The following HPSE2 variants were observed in gnomAD, a reference collection of about 807,000 sequenced individuals.
HPSE2 encodes inactive heparanase-2.
HPSE2 carries 38 observed loss-of-function variants against 60.5 expected under a neutral mutation model. The observed-to-expected ratio is 0.63, with a 90% CI of 0.48 to 0.82. The LOEUF (loss-of-function observed/expected upper bound fraction) is 0.82, where lower values mean the gene tolerates loss of function less well. Among genes scored for constraint, HPSE2 ranks in the 40% least tolerant of loss-of-function variants. HPSE2 has a pLI of 0.00. For synonymous variants in HPSE2, 295 were observed against 293.2 expected (o/e 1.01, Z -0.06); for missense variants, 713 against 740.4 (o/e 0.96, Z 0.43).
At chr10:99,301,692 G>A in the HPSE2 span, among the ~76,000 whole-genome samples, 8 of 152,138 alleles carry the variant, frequency 5.3e-5, no homozygotes, top group Admixed American at 2.0e-4. Flanking sequence ...CCAGATGGCA[G>A]CAGGGTGGCC....
At chr10:98,850,328 TAAAG>T (rs1418536615) in intron 3 of HPSE2, among the ~76,000 whole-genome samples, 11 of 152,122 alleles carry the variant, frequency 7.2e-5, no homozygotes, top group Admixed American at 6.5e-4. Context: ...CTAGAAGTGA[TAAAG>T]AAAGAATTAA....
chr10:98,768,939 A>C (rs566166876), intron 3 of HPSE2, among the ~76,000 whole-genome samples: 1 of 152,224 alleles, frequency 6.6e-6, no homozygotes, highest in Admixed American at 6.5e-5. Flanking sequence ...AATCCCAGCT[A>C]CTCAGACCGA....
chr10:98,939,560 A>C, intron 3 of HPSE2, among the ~76,000 whole-genome samples: 1 of 143,910 alleles, frequency 6.9e-6, no homozygotes, highest in African/African-American at 2.8e-5. Flanking sequence ...CACCCAATAC[A>C]GGAGCACCCA....
intron 3 of HPSE2, among the ~76,000 whole-genome samples, chr10:99,082,808 T>C (rs1387322734): frequency 6.6e-6 from 1 of 152,200 alleles, no homozygotes; most frequent in Admixed American, 6.5e-5. Context: ...TTGGAGTTCA[T>C]ATTTACCCAG....
chr10:99,218,806 A>G (rs966711819), intron 2 of HPSE2, among the ~76,000 whole-genome samples: 1 of 152,204 alleles, frequency 6.6e-6, no homozygotes, highest in Non-Finnish European at 1.5e-5. Context: ...TAACTTGGCT[A>G]AGCCTAGCCT....
chr10:98,608,687 G>T (rs1945663274), intron 9 of HPSE2, among the ~76,000 whole-genome samples: 1 of 152,186 alleles, frequency 6.6e-6, no homozygotes, highest in Non-Finnish European at 1.5e-5. Context: ...GCAGCCGCAG[G>T]TTCCCACAAA....
chr10:99,261,574 C>T, the HPSE2 span, among the ~76,000 whole-genome samples: 1 of 152,180 alleles, frequency 6.6e-6, no homozygotes, highest in Non-Finnish European at 1.5e-5. Context: ...ACTTTACTGT[C>T]CTAGACCCAG....
At chr10:98,582,907 AC>A (rs1424381751) in intron 9 of HPSE2, among the ~76,000 whole-genome samples, 4 of 151,902 alleles carry the variant, frequency 2.6e-5, no homozygotes, top group African/African-American at 9.7e-5. Flanking sequence ...CTATTTCTGT[AC>A]CCCCTGCCAC....
At chr10:99,246,512 C>A in the HPSE2 span, among the ~76,000 whole-genome samples, 5 of 152,174 alleles carry the variant, frequency 3.3e-5, no homozygotes, top group African/African-American at 1.2e-4. Flanking sequence ...TTTGGGAGGC[C>A]AAGGCAAGCG....
intron 6 of HPSE2, among the ~76,000 whole-genome samples, chr10:98,677,679 A>G (rs1947679973): frequency 6.6e-6 from 1 of 152,202 alleles, no homozygotes; most frequent in South Asian, 2.1e-4. Flanking sequence ...GACCAGGCCT[A>G]TTTGACTTGA....
chr10:99,105,855 C>T (rs1176815130), intron 3 of HPSE2, among the ~76,000 whole-genome samples: 1 of 151,808 alleles, frequency 6.6e-6, no homozygotes, highest in Non-Finnish European at 1.5e-5. Context: ...TCCACTTGTC[C>T]CAGTACTACT....
intron 2 of HPSE2, among the ~76,000 whole-genome samples, chr10:99,148,223 G>T (rs926856623): frequency 6.6e-6 from 1 of 152,134 alleles, no homozygotes; most frequent in Non-Finnish European, 1.5e-5. Flanking sequence ...TCAAATCCTG[G>T]CTTGGTATTC....
chr10:99,278,558 G>C, the HPSE2 span, among the ~76,000 whole-genome samples: 4 of 151,984 alleles, frequency 2.6e-5, no homozygotes, highest in African/African-American at 9.7e-5. Flanking sequence ...GCCACTCCTA[G>C]CTAAAAAGGA....
intron 10 of HPSE2, among the ~76,000 whole-genome samples, chr10:98,486,600 G>A (rs1941449493): frequency 6.6e-6 from 1 of 152,174 alleles, no homozygotes; most frequent in South Asian, 2.1e-4. Context: ...GGTGGGGAAT[G>A]TCATATGGGG....
chr10:98,701,878 C>T (rs758378238), intron 5 of HPSE2, among the ~76,000 whole-genome samples: 7 of 152,062 alleles, frequency 4.6e-5, no homozygotes, highest in African/African-American at 1.7e-4. Flanking sequence ...AGACCAATGA[C>T]ACTATGAAGA....
intron 3 of HPSE2, among the ~76,000 whole-genome samples, chr10:99,132,247 GA>G (rs1258619277): frequency 1.3e-4 from 17 of 131,488 alleles, no homozygotes; most frequent in African/African-American, 4.7e-4. Flanking sequence ...GAGAGAGAAA[GA>G]AAGAAAGAAA....
At chr10:99,242,634 A>G in the HPSE2 span, among the ~76,000 whole-genome samples, 2 of 152,228 alleles carry the variant, frequency 1.3e-5, no homozygotes, top group African/African-American at 4.8e-5. Context: ...CCATTTATAC[A>G]TTCAGGTAAG....
At chr10:98,949,137 C>T (rs1380037722) in intron 3 of HPSE2, among the ~76,000 whole-genome samples, 2 of 152,028 alleles carry the variant, frequency 1.3e-5, no homozygotes, top group African/African-American at 4.8e-5. Context: ...CTTTCACCCA[C>T]ATACAAAAAC....
intron 3 of HPSE2, among the ~76,000 whole-genome samples, chr10:98,875,940 G>T (rs1043889265): frequency 2.0e-5 from 3 of 151,878 alleles, no homozygotes; most frequent in African/African-American, 7.2e-5. Context: ...TACAGGCTTT[G>T]AAGTCACTCA....
Sources: gnomAD v4.1 joint callset for allele counts (sites outside exome capture counted in the v4.1 genomes callset) on GRCh38, gnomAD v4.1.1 for gene constraint, MANE v1.5 for transcripts, NCBI Gene and HGNC (gene_info 2026-07-23, HGNC 2026-07-21) for gene names.